Variants in GRM5 observed in about 807,000 individuals in gnomAD.
GRM5 encodes the protein glutamate metabotropic receptor 5.
GRM5 carries 19 observed loss-of-function variants against 83.1 expected under a neutral mutation model. The ratio of observed to expected loss-of-function variants is 0.23; its 90% CI spans 0.16 to 0.34. The LOEUF (loss-of-function observed/expected upper bound fraction) is 0.34, where lower values mean the gene tolerates loss of function less well. Among genes scored for constraint, GRM5 ranks in the 10% least tolerant of loss-of-function variants. The pLI, the probability that GRM5 is intolerant of heterozygous loss-of-function variation, is 1.00. For synonymous variants in GRM5, 675 were observed against 633.6 expected, an observed-to-expected ratio of 1.07 and a Z score of -0.98; for missense variants, 1,160 against 1,588.3, an observed-to-expected ratio of 0.73 and a Z score of 4.58.
chr11:88,567,835 T>C lies in GRM5; in HGVS notation c.1848A>G (p.Glu616=). The change falls in exon 8 of 10, where the codon GAA becomes GAG. Residue 616 remains glutamate (E), a synonymous_variant. Coordinates refer to ENST00000305447, the MANE Select transcript of GRM5 (RefSeq NM_001143831.3). This position sits in a 1 kb window ranked among gnomAD's most constrained non-coding sequence, Gnocchi z 7.3. ...DTPVVKSSSR[E]LCYIILAGIC... is the part of the protein sequence containing the mutation. The stretch of plus-strand genomic sequence containing the variant: ...TGCCAGCAAGGATAATGTAGCAGAG[T>C]TCCCTGCTTGAGGACTTGACTACTG... 1 of 1,613,638 alleles carries C rather than the reference T, an allele frequency of 6.2e-7. No individual in the cohort carries two copies. Among genetic ancestry groups the C allele is most frequent in the South Asian group, 1.1e-5 (1 of 91,066 alleles).
intron 7 of GRM5, among the ~76,000 whole-genome samples, chr11:88,577,355 C>T (rs763380943): frequency 2.0e-5 from 3 of 152,082 alleles, no homozygotes; most frequent in Non-Finnish European, 2.9e-5. Context: ...AAAGTGCACA[C>T]ATGTAAGAAA....
chr11:88,713,422 A>T (rs1157097226), intron 3 of GRM5, among the ~76,000 whole-genome samples: 2 of 152,044 alleles, frequency 1.3e-5, no homozygotes, highest in Admixed American at 6.6e-5. Flanking sequence ...TTTGGTCATT[A>T]TAAAGCTTTA....
intron 3 of GRM5, among the ~76,000 whole-genome samples, chr11:88,770,792 C>T (rs1402785501): frequency 6.6e-6 from 1 of 152,014 alleles, no homozygotes; most frequent in Non-Finnish European, 1.5e-5. Context: ...TCTTTTATGA[C>T]ACATGTATTA....
chr11:88,518,868 A>T (rs777877773), intron 9 of GRM5, among the ~76,000 whole-genome samples: 21 of 151,254 alleles, frequency 1.4e-4, no homozygotes, highest in Admixed American at 1.3e-4. Context: ...AATGCTACCT[A>T]CATACACAAA....
In GRM5 at chr11:88,525,401, G is replaced by A. The variant is rs1306957203; in HGVS notation, c.2634C>T (p.Tyr878=). The part of the protein sequence containing the change: ...RRGSSGETLR[Y]KDRRLAQHKS... ...TGTGCTGGGCCAGTCTCCTGTCTTT[G>A]TACCTGGTGAGCATGAACAAGGACA... Residue 878 remains tyrosine, a synonymous_variant, in exon 9 of 10, where the codon TAC becomes TAT. Transcript: ENST00000305447. 8 of 1,595,524 alleles carry A rather than the reference G, an allele frequency of 5.0e-6. No homozygotes were observed. The highest frequency in any genetic ancestry group is 6.9e-6 in the Non-Finnish European group (8 of 1,163,664).
rs1219049086 is a variant in GRM5 at position 88,808,411 on chromosome 11, TAGAA to T, written c.911+41491_911+41494del. Among the ~76,000 whole-genome samples, 6 of 151,684 alleles carry T rather than the reference TAGAA, an allele frequency of 4.0e-5. No homozygotes were observed. In the South Asian group the frequency reaches 6.2e-4, roughly 16 times the overall value. On this transcript the variant is annotated intron_variant, in intron 3 of 9. Coordinates refer to ENST00000305447, the MANE Select transcript of GRM5 (RefSeq NM_001143831.3). The stretch of plus-strand genomic sequence containing the variant: ...ATTTACAGATGGTCAGATAAATAAA[TAGAA>T]AGAATATTAAACAATGTGTTTGCAT...
At chr11:88,589,536 A>G (rs1937604293) in intron 7 of GRM5, among the ~76,000 whole-genome samples, 4 of 152,198 alleles carry the variant, frequency 2.6e-5, no homozygotes, top group African/African-American at 7.2e-5. Context: ...AAGTGAATAC[A>G]ACTACTATGA....
intron 3 of GRM5, among the ~76,000 whole-genome samples, chr11:88,808,175 T>C (rs1488735945): frequency 6.6e-6 from 1 of 151,982 alleles, no homozygotes; most frequent in Non-Finnish European, 1.5e-5. Flanking sequence ...TGCACAGACA[T>C]GTGTATTTAA....
At chr11:88,996,708 G>A (rs531357684) in intron 2 of GRM5, among the ~76,000 whole-genome samples, 2 of 152,216 alleles carry the variant, frequency 1.3e-5, no homozygotes, top group African/African-American at 4.8e-5. Flanking sequence ...AGAAGAATAC[G>A]TTCTTCTTTT....
chr11:88,823,633 T>G lies in GRM5; in HGVS notation c.911+26273A>C, dbSNP rs943501835. Reference sequence around the variant, plus strand: ...GATGCTCTCTGGCTGATCACCCATGTTGAGCTGGTTTCATGGGTCTCAGGG... The same window carrying G: ...GATGCTCTCTGGCTGATCACCCATGGTGAGCTGGTTTCATGGGTCTCAGGG... On this transcript the variant is annotated intron_variant, in intron 3 of 9. Coordinates refer to ENST00000305447, the MANE Select transcript of GRM5 (RefSeq NM_001143831.3). 6.6e-5 allele frequency among the ~76,000 whole-genome samples: 10 copies of G among 152,290 alleles called. No individual in the cohort carries two copies. The East Asian group carries it at 1.9e-3, about 29-fold the overall frequency.
chr11:88,852,791 CAAAGAG>C (rs1944408978), intron 2 of GRM5, among the ~76,000 whole-genome samples: 1 of 151,764 alleles, frequency 6.6e-6, no homozygotes, highest in Admixed American at 6.6e-5. Context: ...AGCTGGGAGA[CAAAGAG>C]AATATGTCTT....
At chr11:88,751,086 A>C (rs570280606) in intron 3 of GRM5, among the ~76,000 whole-genome samples, 3 of 148,334 alleles carry the variant, frequency 2.0e-5, no homozygotes, top group Admixed American at 1.4e-4. Context: ...AAAAAAAAAA[A>C]AAAAAAAAAC....
chr11:88,757,006 GACAAAC>G (rs1032561438), intron 3 of GRM5, among the ~76,000 whole-genome samples: 1 of 151,970 alleles, frequency 6.6e-6, no homozygotes, highest in Non-Finnish European at 1.5e-5. Context: ...ACTTTTTAAA[GACAAAC>G]ACAAAGAGAA....
At chr11:88,788,476 T>C (rs1379812831) in intron 3 of GRM5, among the ~76,000 whole-genome samples, 1 of 152,200 alleles carries the variant, frequency 6.6e-6, no homozygotes, top group Admixed American at 6.5e-5. Flanking sequence ...AAGCAGATCA[T>C]ATTGTTATCC....
At chr11:89,063,901 C>T (rs1565357763) in intron 1 of GRM5, among the ~76,000 whole-genome samples, 1 of 152,244 alleles carries the variant, frequency 6.6e-6, no homozygotes, top group African/African-American at 2.4e-5. Context: ...CCAGGACTTA[C>T]TTTTCACATG....
intron 4 of GRM5, among the ~76,000 whole-genome samples, chr11:88,646,816 C>A (rs769143356): frequency 2.7e-5 from 4 of 150,264 alleles, no homozygotes; most frequent in Non-Finnish European, 5.9e-5. Context: ...AGGATACTTG[C>A]AGGTTCTGAC....
chr11:89,004,001 G>T (rs1940458649), intron 2 of GRM5, among the ~76,000 whole-genome samples: 1 of 152,134 alleles, frequency 6.6e-6, no homozygotes, highest in East Asian at 1.9e-4. Context: ...CGGAGTGAAG[G>T]CTTAAGAAGG....
At chr11:88,540,027 GTA>G (rs1942228556) in intron 8 of GRM5, among the ~76,000 whole-genome samples, 1 of 152,172 alleles carries the variant, frequency 6.6e-6, no homozygotes, top group South Asian at 2.1e-4. Context: ...ATAGGGCCTA[GTA>G]TAGAGCAGCA....
At chr11:88,815,259 T>C (rs190145848) in intron 3 of GRM5, among the ~76,000 whole-genome samples, 159 of 152,330 alleles carry the variant, frequency 1.0e-3, no homozygotes, top group African/African-American at 3.5e-3. Context: ...AAATTATATA[T>C]CAGTACCAGA....
Sources: gnomAD v4.1 joint callset for allele counts (sites outside exome capture counted in the v4.1 genomes callset) on GRCh38, gnomAD v4.1.1 for gene constraint, Gnocchi (gnomAD v3.1) non-coding constraint, MANE v1.5 for transcripts, NCBI Gene and HGNC (gene_info 2026-07-23, HGNC 2026-07-21) for gene names.